The following KMT2C variants were observed in gnomAD, a reference collection of about 807,000 sequenced individuals.
The protein encoded by KMT2C is lysine methyltransferase 2C.
KMT2C carries 88 observed loss-of-function variants against 507.9 expected under a neutral mutation model. The observed-to-expected ratio is 0.17, with a 90% CI of 0.15 to 0.21. KMT2C has a LOEUF of 0.21. Ranked by LOEUF, KMT2C falls within the 10% of genes least tolerant of loss-of-function variation. The pLI, the probability that KMT2C is intolerant of heterozygous loss-of-function variation, is 1.00. For synonymous variants in KMT2C, 2,049 were observed against 2,080.8 expected, an observed-to-expected ratio of 0.98 and a Z score of 0.42; for missense variants, 4,954 against 5,957.8, an observed-to-expected ratio of 0.83 and a Z score of 5.55.
chr7:152,350,158 G>A (rs2097098224), intron 2 of KMT2C, among the ~76,000 whole-genome samples: 1 of 152,150 alleles, frequency 6.6e-6, no homozygotes, highest in Non-Finnish European at 1.5e-5. Flanking sequence ...GCTGAGGCAG[G>A]AGAATCGCTT....
chr7:152,212,444 A>G (rs1485273181), intron 23 of KMT2C, among the ~76,000 whole-genome samples: 1 of 152,232 alleles, frequency 6.6e-6, no homozygotes, highest in Non-Finnish European at 1.5e-5. Context: ...AAAGGAAATA[A>G]AAGGCATCAG....
intron 26 of KMT2C, among the ~76,000 whole-genome samples, chr7:152,200,051 T>C (rs1391703714): frequency 6.6e-6 from 1 of 152,166 alleles, no homozygotes; most frequent in Non-Finnish European, 1.5e-5. Context: ...CTCTCCAAAA[T>C]TTCTCAAAAA....
At position 152,309,952 on chromosome 7, in the gene KMT2C, C is replaced by A. The variant is rs769282529; in HGVS notation, c.849+14G>T. On this transcript the variant is annotated intron_variant, in intron 6 of 58. Transcript: ENST00000262189. ...TATAAAACTATGATTTAAATATTTG[C>A]TTTGTCTACTTACTTCTGTGCTCCC... The A allele has an allele frequency of 6.1e-6, 9 of 1,466,220 alleles. No individual in the cohort carries two copies. The highest frequency in any genetic ancestry group is 1.7e-5 in the Admixed American group (1 of 57,354). The allele number at this position is 1,466,220 out of a possible 1,614,324, so 90.8% of individuals were successfully genotyped here. A position where few individuals can be genotyped will look rare whatever the true frequency, so the allele number is the denominator to read the frequency against.
rs1370424651 is a variant in KMT2C at position 152,224,035 on chromosome 7, C to T, written c.3303G>A (p.Leu1101=). 6.2e-7 allele frequency: 1 copy of T among 1,609,324 alleles called. No homozygotes were observed. The highest frequency in any genetic ancestry group is 8.5e-7 in the Non-Finnish European group (1 of 1,177,896). The change falls in exon 20 of 59, where the codon CTG becomes CTA. Residue 1101 remains leucine (L), a synonymous_variant. Coordinates refer to ENST00000262189, the MANE Select transcript of KMT2C (RefSeq NM_170606.3). The part of the protein sequence containing the change: ...YRNYREEDLI[L]QCRQCDRWMH... ...AATACCTATCACATTGTCTACATTG[C>T]AGAATAAGATCTTCTTCTCTATAGT...
chr7:152,239,444 G>A (rs1228445703), intron 14 of KMT2C, among the ~76,000 whole-genome samples: 1 of 151,282 alleles, frequency 6.6e-6, no homozygotes, highest in Non-Finnish European at 1.5e-5. Flanking sequence ...GTTTGGTTTT[G>A]GTTTTTACTT....
At chr7:152,329,708 G>A (rs968038676) in intron 3 of KMT2C, among the ~76,000 whole-genome samples, 2 of 151,380 alleles carry the variant, frequency 1.3e-5, no homozygotes, top group Admixed American at 6.6e-5. Context: ...GGGAAGGAAG[G>A]AGGGAAAGAA....
chr7:152,170,634 C>T (rs2092922036), intron 40 of KMT2C, among the ~76,000 whole-genome samples: 1 of 152,208 alleles, frequency 6.6e-6, no homozygotes, highest in African/African-American at 2.4e-5. Context: ...TCCCAAGTAG[C>T]TGGGACTATA....
intron 31 of KMT2C, among the ~76,000 whole-genome samples, chr7:152,192,574 C>T (rs1415196928): frequency 6.6e-6 from 1 of 151,044 alleles, no homozygotes; most frequent in Non-Finnish European, 1.5e-5. Flanking sequence ...CACATAGGAA[C>T]AATTAAGGCA....
intron 14 of KMT2C, among the ~76,000 whole-genome samples, chr7:152,246,991 C>T (rs151280974): frequency 0.011 from 1,646 of 152,094 alleles, 10 homozygotes; most frequent in Middle Eastern, 0.02. Flanking sequence ...AAAAATTATA[C>T]GATTAAAATC....
chr7:152,334,469 A>G (rs1009196921), intron 2 of KMT2C, among the ~76,000 whole-genome samples: 5 of 152,224 alleles, frequency 3.3e-5, no homozygotes, highest in Admixed American at 2.0e-4. Context: ...AGAAAGAAAG[A>G]AAGTAGACAA....
chr7:152,428,175 AAAAAT>A (rs1238708631), intron 1 of KMT2C, among the ~76,000 whole-genome samples: 2 of 152,188 alleles, frequency 1.3e-5, no homozygotes, highest in African/African-American at 4.8e-5. Context: ...CTTTCATTTA[AAAAAT>A]AAAATAACTG....
At chr7:152,166,017 A>G (rs984419821) in intron 42 of KMT2C, among the ~76,000 whole-genome samples, 4 of 152,196 alleles carry the variant, frequency 2.6e-5, no homozygotes, top group African/African-American at 9.6e-5. Flanking sequence ...AACCTTTACA[A>G]TGAATCAGTT....
rs2093889879 is a variant in KMT2C at position 152,194,004 on chromosome 7, C to G, written c.4660+5G>C. 6.5e-7 allele frequency: 1 copy of G among 1,541,358 alleles called. No homozygotes were observed. Among genetic ancestry groups the G allele is most frequent in the African/African-American group, 1.4e-5 (1 of 71,640 alleles). On this transcript the variant is annotated splice_donor_5th_base_variant and intron_variant, in intron 31 of 58. Transcript: ENST00000262189. The stretch of plus-strand genomic sequence containing the variant: ...ATAATGTAGAATTATAAAGTCATAA[C>G]ATACCCTGATTGTGTATTGGCAACA...
chr7:152,165,680 ATTTTT>A (rs575568284), intron 42 of KMT2C, among the ~76,000 whole-genome samples: 1 of 151,718 alleles, frequency 6.6e-6, no homozygotes, highest in African/African-American at 2.4e-5. Context: ...ATTTTTTGGG[ATTTTT>A]TTTGTTTTGT....
intron 7 of KMT2C, among the ~76,000 whole-genome samples, chr7:152,271,791 T>G (rs2095978893): frequency 6.6e-6 from 1 of 152,078 alleles, no homozygotes. Context: ...GAAACTGATA[T>G]TTTTCTACTG....
intron 41 of KMT2C, 88 bp from the exon 42 acceptor site, chr7:152,167,466 T>G: frequency 2.4e-6 from 2 of 833,024 alleles, no homozygotes; most frequent in Non-Finnish European, 3.8e-6. Context: ...AGGAAGTAGT[T>G]TCACCATGAC....
chr7:152,201,313 C>T (rs1207378042), intron 26 of KMT2C, among the ~76,000 whole-genome samples: 3 of 151,710 alleles, frequency 2.0e-5, no homozygotes, highest in African/African-American at 7.3e-5. Context: ...CACACACACA[C>T]ACACACACAC....
intron 6 of KMT2C, among the ~76,000 whole-genome samples, chr7:152,294,375 C>G (rs1276904912): frequency 6.6e-6 from 1 of 152,166 alleles, no homozygotes; most frequent in African/African-American, 2.4e-5. Context: ...TGAGTACTGA[C>G]AGGTAACATG....
chr7:152,380,562 C>CT (rs1319329700), intron 1 of KMT2C, among the ~76,000 whole-genome samples: 5 of 149,092 alleles, frequency 3.4e-5, no homozygotes, highest in Non-Finnish European at 4.5e-5. Flanking sequence ...GAGCGAAACT[C>CT]TGTCTCAAAA....
Sources: allele counts gnomAD v4.1 joint callset (sites outside exome capture counted in the v4.1 genomes callset), GRCh38; gene constraint gnomAD v4.1.1; transcripts MANE v1.5; gene names NCBI Gene and HGNC (gene_info 2026-07-23, HGNC 2026-07-21).